The following TMTC1 variants were observed in gnomAD, a reference collection of about 807,000 sequenced individuals.
TMTC1 encodes the protein transmembrane O-mannosyltransferase targeting cadherins 1.
A neutral mutation model predicts 104.8 loss-of-function variants in TMTC1; 73 were observed. The observed-to-expected ratio is 0.70, with a 90% CI of 0.58 to 0.85. The LOEUF is 0.85. Among genes scored for constraint, TMTC1 ranks in the 40% least tolerant of loss-of-function variants. The pLI is 0.00. For synonymous variants in TMTC1, 434 were observed against 428.7 expected, an observed-to-expected ratio of 1.01 and a Z score of -0.15; for missense variants, 1,035 against 1,096.1, an observed-to-expected ratio of 0.94 and a Z score of 0.79.
chr12:29,759,109 T>A (rs1478586230), intron 2 of TMTC1, among the ~76,000 whole-genome samples: 1 of 152,116 alleles, frequency 6.6e-6, no homozygotes, highest in Non-Finnish European at 1.5e-5. Context: ...TACTTGAGAG[T>A]CAGACACTGT....
In TMTC1 at chr12:29,503,515, G is replaced by A. The variant is rs1200880156; in HGVS notation, c.*3331C>T. ...ACTTATCAGGGATTTTGAAGGCAAG[G>A]AGAACTGATTCTAGGCACAAAAAAA... On this transcript the variant is annotated 3_prime_UTR_variant, in exon 18 of 18. Transcript: ENST00000539277. The A allele has an allele frequency of 1.3e-5, 2 of 152,116 alleles. No individual in the cohort carries two copies. The highest frequency in any genetic ancestry group is 4.8e-5 in the African/African-American group (2 of 41,434). The allele number at this position is 152,116 out of a possible 1,614,324, so 9.4% of individuals were successfully genotyped here.
At chr12:29,606,924 G>A (rs912794450) in intron 6 of TMTC1, among the ~76,000 whole-genome samples, 1 of 151,846 alleles carries the variant, frequency 6.6e-6, no homozygotes. Flanking sequence ...GTTGGGAGGT[G>A]CCTTCATCTC....
intron 5 of TMTC1, among the ~76,000 whole-genome samples, chr12:29,715,724 G>T (rs1942057861): frequency 2.0e-5 from 3 of 152,094 alleles, no homozygotes; most frequent in Admixed American, 1.3e-4. Context: ...CCACATGGCT[G>T]GGGAGGCCTC....
intron 9 of TMTC1, chr12:29,568,839 T>C: frequency 2.2e-6 from 1 of 449,280 alleles, no homozygotes; most frequent in Non-Finnish European, 4.5e-6. Context: ...GGGTGGTCTC[T>C]GGACTTTCTA....
At chr12:29,525,495 C>A (rs1277999827) in intron 11 of TMTC1, among the ~76,000 whole-genome samples, 2 of 151,650 alleles carry the variant, frequency 1.3e-5, no homozygotes, top group African/African-American at 4.8e-5. Flanking sequence ...AAAGGGCAGT[C>A]TTTTTCTGAT....
chr12:29,613,211 G>A lies in TMTC1; in HGVS notation c.1129-8912C>T, dbSNP rs529700752. ...TGCTCTAAGAGATATGTGTCCATGT[G>A]CATTGAGATCTAACCTAGTGGAGTG... is the stretch of plus-strand genomic sequence containing the variant. On this transcript the variant is annotated intron_variant, in intron 6 of 17. Coordinates refer to ENST00000539277, the MANE Select transcript of TMTC1 (RefSeq NM_001193451.2). 2.0e-5 allele frequency among the ~76,000 whole-genome samples: 3 copies of A among 152,256 alleles called. No homozygotes were observed. In the South Asian group the frequency reaches 6.2e-4, roughly 32 times the overall value.
chr12:29,599,862 A>G lies in TMTC1; in HGVS notation c.1250+4316T>C, dbSNP rs145367128. ...CGTAAAAGTGATGATCTATATTTTC[A>G]GGATGTCATTGAGTACACCATATAT... is the stretch of plus-strand genomic sequence containing the variant. On this transcript the variant is annotated intron_variant, in intron 7 of 17. Coordinates refer to ENST00000539277, the MANE Select transcript of TMTC1 (RefSeq NM_001193451.2). 9.1e-3 allele frequency among the ~76,000 whole-genome samples: 1,380 copies of G among 151,778 alleles called. 19 individuals are homozygous for G. The highest frequency in any genetic ancestry group is 0.032 in the African/African-American group (1,306 of 41,284).
At chr12:29,565,170 A>C (rs1030407908) in intron 9 of TMTC1, among the ~76,000 whole-genome samples, 4 of 152,134 alleles carry the variant, frequency 2.6e-5, no homozygotes, top group Non-Finnish European at 4.4e-5. Flanking sequence ...TAGAATCCAG[A>C]AGGCAGTCTG....
chr12:29,678,670 T>C (rs969749593), intron 5 of TMTC1, among the ~76,000 whole-genome samples: 13 of 152,188 alleles, frequency 8.5e-5, no homozygotes, highest in African/African-American at 3.1e-4. Flanking sequence ...CTAGTGGAGA[T>C]GCCAATAGTA....
At chr12:29,606,930 A>C (rs939702224) in intron 6 of TMTC1, among the ~76,000 whole-genome samples, 1 of 150,568 alleles carries the variant, frequency 6.6e-6, no homozygotes, top group Non-Finnish European at 1.5e-5. Flanking sequence ...AGGTGCCTTC[A>C]TCTCAGTGGT....
At chr12:29,733,160 G>T (rs1006350146) in intron 5 of TMTC1, among the ~76,000 whole-genome samples, 2 of 152,154 alleles carry the variant, frequency 1.3e-5, no homozygotes, top group Non-Finnish European at 2.9e-5. Flanking sequence ...GGCATTACCT[G>T]CTTTAATCAT....
chr12:29,575,065 C>T (rs1028006679), intron 8 of TMTC1, among the ~76,000 whole-genome samples: 1 of 151,996 alleles, frequency 6.6e-6, no homozygotes, highest in African/African-American at 2.4e-5. Context: ...ATTGTTTTAT[C>T]CTTTGTAGCT....
At chr12:29,688,066 T>C (rs1331742773) in intron 5 of TMTC1, among the ~76,000 whole-genome samples, 1 of 152,100 alleles carries the variant, frequency 6.6e-6, no homozygotes, top group Middle Eastern at 3.2e-3. Flanking sequence ...AGGAAAGGGG[T>C]ATAATGTCTA....
intron 4 of TMTC1, among the ~76,000 whole-genome samples, chr12:29,752,924 T>G (rs982864619): frequency 6.6e-6 from 1 of 152,222 alleles, no homozygotes; most frequent in Non-Finnish European, 1.5e-5. Context: ...TTTCTAGATG[T>G]TGGAAATTAT....
chr12:29,704,118 C>T (rs1031424969), intron 5 of TMTC1, among the ~76,000 whole-genome samples: 1 of 152,164 alleles, frequency 6.6e-6, no homozygotes, highest in Non-Finnish European at 1.5e-5. Flanking sequence ...GAGTTATTAT[C>T]ATTGGTACCT....
chr12:29,550,537 GA>G (rs1041504615), intron 10 of TMTC1, among the ~76,000 whole-genome samples: 3 of 151,966 alleles, frequency 2.0e-5, no homozygotes, highest in Non-Finnish European at 4.4e-5. Context: ...AGAGAGTGGG[GA>G]AAAGGGAAGG....
intron 5 of TMTC1, among the ~76,000 whole-genome samples, chr12:29,687,685 G>T (rs943173507): frequency 6.6e-6 from 1 of 152,212 alleles, no homozygotes; most frequent in Non-Finnish European, 1.5e-5. Context: ...TACTGACTAG[G>T]TGGTTTAAAC....
chr12:29,691,373 T>C (rs992565846), intron 5 of TMTC1, among the ~76,000 whole-genome samples: 2 of 152,042 alleles, frequency 1.3e-5, no homozygotes, highest in Non-Finnish European at 2.9e-5. Flanking sequence ...CACTCCCCAC[T>C]TCGCAAGCCC....
At chr12:29,512,988 C>T (rs1274178883) in intron 16 of TMTC1, among the ~76,000 whole-genome samples, 1 of 152,156 alleles carries the variant, frequency 6.6e-6, no homozygotes, top group Non-Finnish European at 1.5e-5. Flanking sequence ...TTCTCCTCTA[C>T]TTCAGTTTTA....
Sources: gnomAD v4.1 joint callset for allele counts (sites outside exome capture counted in the v4.1 genomes callset) on GRCh38, gnomAD v4.1.1 for gene constraint, MANE v1.5 for transcripts, NCBI Gene and HGNC (gene_info 2026-07-23, HGNC 2026-07-21) for gene names.